TOX: variants seen among roughly 807,000 people sequenced by gnomAD.
TOX encodes thymocyte selection associated high mobility group box, also known as thymocyte selection-associated high mobility group box protein TOX.
A neutral mutation model predicts 53.7 loss-of-function variants in TOX; 11 were observed. That is an observed-to-expected ratio of 0.20 (90% CI 0.13 to 0.34). The LOEUF is 0.34. Among genes scored for constraint, TOX ranks in the 10% least tolerant of loss-of-function variants. The pLI, the probability that TOX is intolerant of heterozygous loss-of-function variation, is 1.00. For missense variants in TOX, 570 were observed against 664.6 expected (o/e 0.86, Z 1.56); for synonymous variants, 225 against 245.3 (o/e 0.92, Z 0.77).
At chr8:58,910,756 G>A (rs1563386931) in intron 3 of TOX, among the ~76,000 whole-genome samples, 1 of 152,152 alleles carries the variant, frequency 6.6e-6, no homozygotes, top group Non-Finnish European at 1.5e-5. Flanking sequence ...TAGGCGCAAA[G>A]AAATAAGTCA....
In TOX at chr8:58,807,035, C is replaced by A. The variant is rs1809989984; in HGVS notation, c.*712G>T. 1 of 152,598 alleles carries A rather than the reference C, an allele frequency of 6.6e-6. No homozygotes were observed. Among genetic ancestry groups the A allele is most frequent in the African/African-American group, 2.4e-5 (1 of 41,450 alleles). 9.5% of individuals were successfully genotyped at this position (152,598 alleles called of 1,614,324 possible). On this transcript the variant is annotated 3_prime_UTR_variant, in exon 9 of 9. Transcript: ENST00000361421. ...AAAGTGATACAAAAAAGCAATTTTT[C>A]TGCAGTACAAAATAAATGTGTTTGC...
intron 3 of TOX, among the ~76,000 whole-genome samples, chr8:58,937,591 T>C (rs1215878628): frequency 6.6e-6 from 1 of 152,226 alleles, no homozygotes; most frequent in Non-Finnish European, 1.5e-5. Context: ...GTGACGTCTC[T>C]TAAAGGTGTA....
intron 1 of TOX, among the ~76,000 whole-genome samples, chr8:59,028,578 C>T (rs1814288569): frequency 2.0e-5 from 3 of 152,088 alleles, no homozygotes; most frequent in African/African-American, 7.2e-5. Context: ...TACATACATA[C>T]ATACATACAT....
intron 1 of TOX, among the ~76,000 whole-genome samples, chr8:59,014,384 C>G (rs1813970524): frequency 2.0e-5 from 3 of 152,202 alleles, no homozygotes; most frequent in Admixed American, 2.0e-4. Flanking sequence ...CATGACTGAT[C>G]ATTTAAATTT....
intron 1 of TOX, among the ~76,000 whole-genome samples, chr8:59,022,628 G>A (rs1429918610): frequency 6.6e-6 from 1 of 152,030 alleles, no homozygotes; most frequent in African/African-American, 2.4e-5. Flanking sequence ...ATTTGCTTTT[G>A]CTTAAATTAT....
chr8:59,061,194 G>T (rs1234897848), intron 1 of TOX, among the ~76,000 whole-genome samples: 1 of 152,222 alleles, frequency 6.6e-6, no homozygotes, highest in East Asian at 1.9e-4. Flanking sequence ...GTGTTTGAGT[G>T]TGTGCGTGTG....
chr8:58,979,942 AACTATTATCT>A (rs1412245889), intron 1 of TOX, among the ~76,000 whole-genome samples: 3 of 152,384 alleles, frequency 2.0e-5, no homozygotes, highest in Non-Finnish European at 2.9e-5. Flanking sequence ...CAACAAATGC[AACTATTATCT>A]TTACATTAAC....
chr8:58,985,040 G>A (rs992257200), intron 1 of TOX, among the ~76,000 whole-genome samples: 17 of 149,814 alleles, frequency 1.1e-4, no homozygotes, highest in Admixed American at 9.3e-4. Context: ...TTTGACTATG[G>A]ACATCTATAT....
At position 59,118,104 on chromosome 8, in the gene TOX, C is replaced by G. The variant is rs952109394; in HGVS notation, c.102+782G>C. Among the ~76,000 whole-genome samples the G allele has an allele frequency of 6.6e-6, 1 of 152,202 alleles. No individual in the cohort carries two copies. Among genetic ancestry groups the G allele is most frequent in the Non-Finnish European group, 1.5e-5 (1 of 68,032 alleles). ...TGATCCGCCTCTCCCCGGGCCCCCG[C>G]GGCCCTGGCACCCGAGGTCAGCGGG... On this transcript the variant is annotated intron_variant, in intron 1 of 8. Coordinates refer to ENST00000361421, the MANE Select transcript of TOX (RefSeq NM_014729.3). The surrounding 1 kb of genome is among the most constrained non-coding windows in gnomAD (Gnocchi z 4.1).
At chr8:58,896,838 T>G (rs1461649703) in intron 3 of TOX, among the ~76,000 whole-genome samples, 1 of 152,250 alleles carries the variant, frequency 6.6e-6, no homozygotes, top group Non-Finnish European at 1.5e-5. Flanking sequence ...CATTATTTAG[T>G]TACTCACTCT....
At chr8:59,067,576 A>C (rs1804116852) in intron 1 of TOX, among the ~76,000 whole-genome samples, 1 of 152,108 alleles carries the variant, frequency 6.6e-6, no homozygotes, top group Non-Finnish European at 1.5e-5. Context: ...AAATAAAATA[A>C]ATAAATAAAA....
At chr8:58,819,086 G>A (rs1218647856) in intron 6 of TOX, among the ~76,000 whole-genome samples, 1 of 152,112 alleles carries the variant, frequency 6.6e-6, no homozygotes, top group Non-Finnish European at 1.5e-5. Context: ...CATTTTCAGT[G>A]GCAAACTGCC....
intron 1 of TOX, among the ~76,000 whole-genome samples, chr8:59,106,051 A>G (rs378224): frequency 0.23 from 34,610 of 152,090 alleles, 4,834 homozygotes; most frequent in East Asian, 0.63. Context: ...ATCTTCAACC[A>G]AAGAGCCATT....
At chr8:59,012,429 C>T (rs1463304567) in intron 1 of TOX, among the ~76,000 whole-genome samples, 1 of 151,884 alleles carries the variant, frequency 6.6e-6, no homozygotes. Context: ...GAGACTTAGC[C>T]TGCCACGAGA....
chr8:58,937,848 T>G (rs1812372590), intron 3 of TOX, among the ~76,000 whole-genome samples: 1 of 152,164 alleles, frequency 6.6e-6, no homozygotes, highest in African/African-American at 2.4e-5. Context: ...CTGAATGCCT[T>G]CTTTGGCTCA....
chr8:59,039,126 C>T (rs998422907), intron 1 of TOX, among the ~76,000 whole-genome samples: 4 of 152,222 alleles, frequency 2.6e-5, no homozygotes, highest in African/African-American at 7.2e-5. Context: ...AAGTCACTTA[C>T]GAACCACACT....
chr8:58,893,178 C>T (rs972215154), intron 3 of TOX, among the ~76,000 whole-genome samples: 4 of 150,042 alleles, frequency 2.7e-5, no homozygotes, highest in Admixed American at 2.7e-4. Flanking sequence ...CATGATTTGC[C>T]GTTCAAATTG....
chr8:59,036,776 ATGTGTGT>A (rs1563425688), intron 1 of TOX, among the ~76,000 whole-genome samples: 1 of 152,196 alleles, frequency 6.6e-6, no homozygotes, highest in Non-Finnish European at 1.5e-5. Flanking sequence ...GTATGTGTGT[ATGTGTGT>A]GACTATGATG....
At chr8:58,944,275 C>G (rs1167834214) in intron 2 of TOX, among the ~76,000 whole-genome samples, 1 of 152,118 alleles carries the variant, frequency 6.6e-6, no homozygotes, top group East Asian at 1.9e-4. Flanking sequence ...ATGGTTAATT[C>G]TGGAAAATAG....
Sources: allele counts gnomAD v4.1 joint callset (sites outside exome capture counted in the v4.1 genomes callset), GRCh38; gene constraint gnomAD v4.1.1; non-coding constraint Gnocchi (gnomAD v3.1); transcripts MANE v1.5; gene names NCBI Gene and HGNC (gene_info 2026-07-23, HGNC 2026-07-21).